Variants in BACE1 observed in about 807,000 individuals in gnomAD.
BACE1 encodes APP beta-secretase.
Under a neutral mutation model 54.0 loss-of-function variants are expected in BACE1, and 21 were observed. The ratio of observed to expected loss-of-function variants is 0.39; its 90% CI spans 0.28 to 0.56. BACE1 has a LOEUF of 0.56. Ranked by LOEUF, BACE1 falls within the 20% of genes least tolerant of loss-of-function variation. BACE1 has a pLI of 0.63. For synonymous variants in BACE1, 232 were observed against 260.9 expected (o/e 0.89, Z 1.07); for missense variants, 511 against 661.2 (o/e 0.77, Z 2.49).
At chr11:117,304,819 C>G (rs1383359829) in intron 1 of BACE1, among the ~76,000 whole-genome samples, 1 of 152,106 alleles carries the variant, frequency 6.6e-6, no homozygotes. Flanking sequence ...ATGAGCTCCA[C>G]CAAGGGTAGG....
chr11:117,299,510 C>T, intron 1 of BACE1: 1 of 283,586 alleles, frequency 3.5e-6, no homozygotes, highest in Non-Finnish European at 6.9e-6. Flanking sequence ...CCAGTGCCTG[C>T]TTAGACCTCC....
chr11:117,291,512 G>C (rs546553618), intron 6 of BACE1, among the ~76,000 whole-genome samples, 200 bp downstream of exon 6: 1 of 152,306 alleles, frequency 6.6e-6, no homozygotes, highest in East Asian at 1.9e-4. Context: ...TCCTGACCTA[G>C]TGATCTGCCC....
chr11:117,308,755 C>G (rs527908534), intron 1 of BACE1, among the ~76,000 whole-genome samples: 22 of 152,088 alleles, frequency 1.4e-4, no homozygotes, highest in African/African-American at 5.1e-4. Context: ...TTGAAACCAG[C>G]CTGGCCAACA....
At chr11:117,295,457 G>A in intron 2 of BACE1, 110 bp from the exon 3 acceptor site, 12 of 1,540,154 alleles carry the variant, frequency 7.8e-6, no homozygotes, top group Non-Finnish European at 1.0e-5. Flanking sequence ...GAATCCTAGA[G>A]TCTGCTTTCA....
chr11:117,304,775 A>G (rs1292219027), intron 1 of BACE1, among the ~76,000 whole-genome samples: 1 of 152,042 alleles, frequency 6.6e-6, no homozygotes, highest in Non-Finnish European at 1.5e-5. Flanking sequence ...CACACTTTTA[A>G]TCATGTATTT....
Position 117,289,400 on chromosome 11 carries a change from C to T in BACE1, c.*166G>A. Reference sequence around the variant, plus strand: ...TCCTACAGGTACAGTCCCTGGAACCCACCTTGCCAGCCTTTTCCTTCTCCA... The same window carrying T: ...TCCTACAGGTACAGTCCCTGGAACCTACCTTGCCAGCCTTTTCCTTCTCCA... On this transcript the variant is annotated 3_prime_UTR_variant, in exon 9 of 9. Coordinates refer to ENST00000313005, the MANE Select transcript of BACE1 (RefSeq NM_012104.6). 8.2e-7 allele frequency: 1 copy of T among 1,213,336 alleles called. No homozygotes were observed. Among genetic ancestry groups the T allele is most frequent in the Non-Finnish European group, 1.1e-6 (1 of 895,002 alleles). 75.2% of individuals were successfully genotyped at this position (1,213,336 alleles called of 1,614,324 possible). A position where few individuals can be genotyped will look rare whatever the true frequency, so the allele number is the denominator to read the frequency against.
Position 117,305,128 on chromosome 11 carries a change from T to C in BACE1, c.262-8167A>G, listed in dbSNP as rs939384128. Among the ~76,000 whole-genome samples, 10 of 152,276 alleles carry C rather than the reference T, an allele frequency of 6.6e-5. No individual in the cohort carries two copies. The East Asian group carries it at 1.2e-3, about 18-fold the overall frequency. On this transcript the variant is annotated intron_variant, in intron 1 of 8. Transcript: ENST00000313005. Reference sequence around the variant, plus strand: ...TTTTAGTACAGACGGGGTTTCACCATGTTGGTGAATATCCACCCAGGGTCC... The same window carrying C: ...TTTTAGTACAGACGGGGTTTCACCACGTTGGTGAATATCCACCCAGGGTCC...
In BACE1 at chr11:117,315,396, C is replaced by G. The variant is rs968576977; in HGVS notation, c.261+139G>C. 5.0e-6 allele frequency: 6 copies of G among 1,203,630 alleles called. No individual in the cohort carries two copies. The South Asian group carries it at 5.1e-5, about 10-fold the overall frequency. 74.6% of individuals were successfully genotyped at this position (1,203,630 alleles called of 1,614,324 possible). A position where few individuals can be genotyped will look rare whatever the true frequency, so the allele number is the denominator to read the frequency against. On this transcript the variant is annotated intron_variant, in intron 1 of 8. Coordinates refer to ENST00000313005, the MANE Select transcript of BACE1 (RefSeq NM_012104.6). The surrounding 1 kb of genome is among the most constrained non-coding windows in gnomAD (Gnocchi z 5.5). ...ACACTTCTGCCAACAACCACGTGACCCCCGGGGAATGGCTGGGGAGGGGTC... is the reference window on the plus strand; with the variant it reads ...ACACTTCTGCCAACAACCACGTGACGCCCGGGGAATGGCTGGGGAGGGGTC...
chr11:117,302,879 T>C (rs1220864463), intron 1 of BACE1, among the ~76,000 whole-genome samples: 6 of 152,200 alleles, frequency 3.9e-5, no homozygotes, highest in Admixed American at 3.9e-4. Context: ...AGTGATACCT[T>C]GTCTCAAAAT....
chr11:117,313,561 A>T (rs1004581455), intron 1 of BACE1, among the ~76,000 whole-genome samples: 1 of 152,126 alleles, frequency 6.6e-6, no homozygotes, highest in Non-Finnish European at 1.5e-5. Flanking sequence ...CAGCCTCCTG[A>T]GTAGCTGGGA....
Position 117,287,736 on chromosome 11 carries a change from T to C in BACE1, c.*1830A>G, listed in dbSNP as rs2034300092. The C allele has an allele frequency of 1.3e-5, 2 of 152,634 alleles. No homozygotes were observed. The highest frequency in any genetic ancestry group is 2.9e-5 in the Non-Finnish European group (2 of 68,026). The allele number at this position is 152,634 out of a possible 1,614,324, so 9.5% of individuals were successfully genotyped here. A position where few individuals can be genotyped will look rare whatever the true frequency, so the allele number is the denominator to read the frequency against. ...TCTCCAGTCTTCCTGTCAGACTCTG[T>C]AGTTATGGGGTGTTCCCAGTCAGCC... On this transcript the variant is annotated 3_prime_UTR_variant, in exon 9 of 9. Coordinates refer to ENST00000313005, the MANE Select transcript of BACE1 (RefSeq NM_012104.6).
chr11:117,314,931 G>T lies in BACE1; in HGVS notation c.261+604C>A, dbSNP rs868047847. Among the ~76,000 whole-genome samples, 50 of 152,050 alleles carry T rather than the reference G, an allele frequency of 3.3e-4. No homozygotes were observed. The Middle Eastern group carries it at 0.01, about 31-fold the overall frequency. ...TGGGGGAGGGGCCGGAGTGTAGACC[G>T]CGAGAGGGAGAAGGGGAGGAGGAGG... On this transcript the variant is annotated intron_variant, in intron 1 of 8. Transcript: ENST00000313005.
intron 8 of BACE1, among the ~76,000 whole-genome samples, 171 bp downstream of exon 8, chr11:117,290,317 T>C (rs979554467): frequency 5.3e-5 from 8 of 152,016 alleles, no homozygotes; most frequent in African/African-American, 1.9e-4. Context: ...TGGCAGGCAG[T>C]ACAAAAAAAG....
Position 117,295,661 on chromosome 11 carries a change from G to A in BACE1, c.351-314C>T, listed in dbSNP as rs572516779. On this transcript the variant is annotated intron_variant, in intron 2 of 8. Coordinates refer to ENST00000313005, the MANE Select transcript of BACE1 (RefSeq NM_012104.6). ...TGCCTGCTGCTGCTGCTGCTGCAGGGACAGCTAGTGGGCATCTCTTCCGCC... is the reference window on the plus strand; with the variant it reads ...TGCCTGCTGCTGCTGCTGCTGCAGGAACAGCTAGTGGGCATCTCTTCCGCC... 132 of 1,523,900 alleles carry A rather than the reference G, an allele frequency of 8.7e-5. No homozygotes were observed. In the African/African-American group the frequency reaches 1.5e-3, roughly 17 times the overall value. 94.4% of individuals were successfully genotyped at this position (1,523,900 alleles called of 1,614,324 possible).
At position 117,290,539 on chromosome 11, in the gene BACE1, C is replaced by T. The variant is rs1242287714; in HGVS notation, c.1213G>A (p.Val405Ile). 1 of 1,614,236 alleles carries T rather than the reference C, an allele frequency of 6.2e-7. No individual in the cohort carries two copies. Among genetic ancestry groups the T allele is most frequent in the Non-Finnish European group, 8.5e-7 (1 of 1,180,046 alleles). ...GAVIMEGFYVVFDRARKRIGF... is the reference protein window; with the variant it reads ...GAVIMEGFYVIFDRARKRIGF... ...ATTCGTTTTCGGGCCCGATCAAAGA[C>T]AACGTAGAAGCCCTCCATGATAACA... is the stretch of plus-strand genomic sequence containing the variant. The change falls in exon 8 of 9, where the codon GTC becomes ATC. Residue 405 changes from valine to isoleucine, a missense_variant. Val to Ile is a conservative substitution (Grantham distance 29, BLOSUM62 3). Transcript: ENST00000313005.
chr11:117,289,641 C>A lies in BACE1; in HGVS notation c.1431G>T (p.Val477=). The change falls in exon 9 of 9, where the codon GTG becomes GTT. Residue 477 remains valine (V), a synonymous_variant. Transcript: ENST00000313005. ...GGCAGCGGAGGCAGCGCCACTGACA[C>A]ACCATGAGGCAGAGTGGCAGCATGA... The part of the protein sequence containing the change: ...ALFMLPLCLM[V]CQWRCLRCLR... 1 of 1,614,224 alleles carries A rather than the reference C, an allele frequency of 6.2e-7. No homozygotes were observed.
At chr11:117,291,880 G>T in intron 5 of BACE1, 67 bp from the exon 6 acceptor site, 1 of 1,238,062 alleles carries the variant, frequency 8.1e-7, no homozygotes, top group Non-Finnish European at 1.2e-6. Context: ...GGCAGTAGGG[G>T]GTTACTGCTG....
Position 117,293,077 on chromosome 11 carries a change from C to T in BACE1, c.817G>A (p.Asp273Asn). The change falls in exon 5 of 9, where the codon GAT becomes AAT. Residue 273 changes from aspartate (D) to asparagine (N), a missense_variant. Asp to Asn is a conservative substitution (Grantham distance 23). This residue lies in a region of BACE1 where 407 missense variants were observed against 565.7 expected (regional missense o/e 0.72). Coordinates refer to ENST00000313005, the MANE Select transcript of BACE1 (RefSeq NM_012104.6). The surrounding 1 kb of genome is among the most constrained non-coding windows in gnomAD (Gnocchi z 4.1). Reference protein sequence around the residue: ...IIVRVEINGQDLKMDCKEYNY... With the variant: ...IIVRVEINGQNLKMDCKEYNY... Reference sequence around the variant, plus strand: ...ACCTCCTTGCAGTCCATTTTCAGATCCTGTCCATTGATCTCCACCCGCACA... The same window carrying T: ...ACCTCCTTGCAGTCCATTTTCAGATTCTGTCCATTGATCTCCACCCGCACA... The T allele has an allele frequency of 6.2e-7, 1 of 1,614,056 alleles. No homozygotes were observed. The highest frequency in any genetic ancestry group is 8.5e-7 in the Non-Finnish European group (1 of 1,179,986).
At position 117,289,600 on chromosome 11, in the gene BACE1, T is replaced by A; in HGVS notation, c.1472A>T (p.Asp491Val). ...RCLRCLRQQH[D>V]DFADDISLLK ...CAGGGAGATGTCATCAGCAAAGTCA[T>A]CATGCTGCTGGCGCAGGCAGCGGAG... Residue 491 changes from aspartate (D) to valine (V), a missense_variant, in exon 9 of 9, where the codon GAT becomes GTT. By Grantham distance (152) the Asp-to-Val change is radical. Around this residue, in one of 2 missense-constraint regions of BACE1, gnomAD observed 407 missense variants for 565.7 expected, o/e 0.72. Coordinates refer to ENST00000313005, the MANE Select transcript of BACE1 (RefSeq NM_012104.6). 1 of 1,614,186 alleles carries A rather than the reference T, an allele frequency of 6.2e-7. No individual in the cohort carries two copies.
Sources: gnomAD v4.1 joint callset for allele counts (sites outside exome capture counted in the v4.1 genomes callset) on GRCh38, gnomAD v4.1.1 for gene constraint, gnomAD v4.1.1 regional missense constraint, Gnocchi (gnomAD v3.1) non-coding constraint, MANE v1.5 for transcripts, NCBI Gene and HGNC (gene_info 2026-07-23, HGNC 2026-07-21) for gene names.